The following TRIM40 variants were observed in gnomAD, a reference collection of about 807,000 sequenced individuals.
TRIM40 encodes the protein tripartite motif containing 40, also known as E3 ubiquitin ligase TRIM40.
In TRIM40, 27 loss-of-function variants were observed where a neutral mutation model predicts 26.1. The observed-to-expected ratio is 1.04, with a 90% CI of 0.76 to 1.43. The LOEUF (loss-of-function observed/expected upper bound fraction) is 1.43, where lower values mean the gene tolerates loss of function less well. Among genes scored for constraint, TRIM40 ranks in the 40% most tolerant of loss-of-function variants. The probability of loss-of-function intolerance (pLI) is 0.00; values close to 1 mark genes in which losing one functional copy is unlikely to be tolerated. For missense variants in TRIM40, 289 were observed against 307.9 expected, an observed-to-expected ratio of 0.94 and a Z score of 0.46; for synonymous variants, 114 against 120.0, an observed-to-expected ratio of 0.95 and a Z score of 0.33.
chr6:30,137,289 A>G lies in TRIM40; in HGVS notation c.253A>G (p.Ser85Gly). ...GAGGGTGTGCAGGTTCTGTGAGGAG[A>G]GCAGACTTCTTCTATGTGTGGAATG... ...QKRVCRFCEESRLLLCVECLV... is the reference protein window; with the variant it reads ...QKRVCRFCEEGRLLLCVECLV... Residue 85 changes from serine (S) to glycine (G), a missense_variant, in exon 2 of 6, where the codon AGC becomes GGC. Transcript: ENST00000396581. 1.2e-6 allele frequency: 2 copies of G among 1,612,936 alleles called. No individual in the cohort carries two copies. Among genetic ancestry groups the G allele is most frequent in the Non-Finnish European group, 8.5e-7 (1 of 1,179,996 alleles).
intron 2 of TRIM40, among the ~76,000 whole-genome samples, chr6:30,143,900 T>C (rs556459507): frequency 6.6e-6 from 1 of 152,356 alleles, no homozygotes; most frequent in East Asian, 1.9e-4. Context: ...TTTTTTCATT[T>C]ACACAGTGTC....
chr6:30,141,057 G>A (rs1036580330), intron 2 of TRIM40, among the ~76,000 whole-genome samples: 2 of 152,168 alleles, frequency 1.3e-5, no homozygotes, highest in African/African-American at 4.8e-5. Context: ...CAAAGTGGGA[G>A]GATCGCTTGA....
intron 2 of TRIM40, among the ~76,000 whole-genome samples, chr6:30,139,496 C>A (rs914977281): frequency 6.6e-6 from 1 of 152,006 alleles, no homozygotes; most frequent in African/African-American, 2.4e-5. Context: ...GCACCCACCA[C>A]CAGGCCTAGC....
chr6:30,145,617 A>G (rs1173053926), intron 2 of TRIM40, among the ~76,000 whole-genome samples: 2 of 152,200 alleles, frequency 1.3e-5, no homozygotes, highest in African/African-American at 4.8e-5. Flanking sequence ...TTCCTCTTTA[A>G]GGCAATTCCC....
At chr6:30,140,798 G>A (rs1771301842) in intron 2 of TRIM40, among the ~76,000 whole-genome samples, 2 of 152,160 alleles carry the variant, frequency 1.3e-5, no homozygotes, top group Admixed American at 1.3e-4. Flanking sequence ...CTGAATAGAT[G>A]ATGTGAAAGA....
In TRIM40 at chr6:30,136,162, A is replaced by G. The variant is rs1322038713; in HGVS notation, c.-332A>G. 2 of 152,292 alleles carry G rather than the reference A, an allele frequency of 1.3e-5. No homozygotes were observed. Among genetic ancestry groups the G allele is most frequent in the Non-Finnish European group, 2.9e-5 (2 of 68,106 alleles). 9.4% of individuals were successfully genotyped at this position (152,292 alleles called of 1,614,324 possible). On this transcript the variant is annotated 5_prime_UTR_variant, in exon 1 of 6. Coordinates refer to ENST00000396581, the MANE Select transcript of TRIM40 (RefSeq NM_001286633.2). Reference sequence around the variant, plus strand: ...TCCAGGTCTGGAGCCAGAGAAGATGATCTGAAATTGTAGCAGGAGAAATTG... The same window carrying G: ...TCCAGGTCTGGAGCCAGAGAAGATGGTCTGAAATTGTAGCAGGAGAAATTG...
At position 30,136,960 on chromosome 6, in the gene TRIM40, G is replaced by C; in HGVS notation, c.-77G>C. ...CTGGGCCTTCTTATCTGGGACTGTTGAGGGCAACAGGCCTTCCGAAGACCA... is the reference window on the plus strand; with the variant it reads ...CTGGGCCTTCTTATCTGGGACTGTTCAGGGCAACAGGCCTTCCGAAGACCA... On this transcript the variant is annotated 5_prime_UTR_variant, in exon 2 of 6. Transcript: ENST00000396581. 4 of 1,464,350 alleles carry C rather than the reference G, an allele frequency of 2.7e-6. No individual in the cohort carries two copies. Among genetic ancestry groups the C allele is most frequent in the Non-Finnish European group, 3.7e-6 (4 of 1,075,660 alleles). The allele number at this position is 1,464,350 out of a possible 1,614,324, so 90.7% of individuals were successfully genotyped here.
At position 30,143,253 on chromosome 6, in the gene TRIM40, G is replaced by T. The variant is rs539268053; in HGVS notation, c.346-2741G>T. ...TGTATTTTACAACACTATTTTTTTTGACAATTTTTACTTGTAGATTCAAAT... is the reference window on the plus strand; with the variant it reads ...TGTATTTTACAACACTATTTTTTTTTACAATTTTTACTTGTAGATTCAAAT... On this transcript the variant is annotated intron_variant, in intron 2 of 5. Coordinates refer to ENST00000396581, the MANE Select transcript of TRIM40 (RefSeq NM_001286633.2). Among the ~76,000 whole-genome samples, 4 of 151,832 alleles carry T rather than the reference G, an allele frequency of 2.6e-5. No homozygotes were observed. In the South Asian group the frequency reaches 8.3e-4, roughly 32 times the overall value.
Position 30,137,369 on chromosome 6 carries a change from C to T in TRIM40, c.333C>T (p.Leu111=). Residue 111 remains leucine (L), a synonymous_variant, in exon 2 of 6, where the codon CTC becomes CTT. Coordinates refer to ENST00000396581, the MANE Select transcript of TRIM40 (RefSeq NM_001286633.2). ...SHHELTIENA[L]SHYKERLNRR... ...ATGAACTGACCATTGAAAATGCCCT[C>T]AGCCACTACAAGGTAAGCCTGGGTC... The T allele has an allele frequency of 1.2e-6, 2 of 1,612,220 alleles. No homozygotes were observed. The highest frequency in any genetic ancestry group is 2.2e-5 in the South Asian group (2 of 91,012).
chr6:30,136,816 C>T lies in TRIM40; in HGVS notation c.-221C>T, dbSNP rs568261195. On this transcript the variant is annotated 5_prime_UTR_variant, in exon 2 of 6. Coordinates refer to ENST00000396581, the MANE Select transcript of TRIM40 (RefSeq NM_001286633.2). ...AAGCTGATGAGCTATTTCTGAAACTCGTGCAGAATTGTGGTTTGTGTGGTC... is the reference window on the plus strand; with the variant it reads ...AAGCTGATGAGCTATTTCTGAAACTTGTGCAGAATTGTGGTTTGTGTGGTC... 363 of 561,940 alleles carry T rather than the reference C, an allele frequency of 6.5e-4. 1 individual carries two copies. The highest frequency in any genetic ancestry group is 5.2e-3 in the South Asian group (205 of 39,636). The allele number at this position is 561,940 out of a possible 1,614,324, so 34.8% of individuals were successfully genotyped here.
intron 2 of TRIM40, among the ~76,000 whole-genome samples, chr6:30,140,559 A>G (rs9261482): frequency 0.2 from 31,085 of 151,748 alleles, 3,502 homozygotes; most frequent in East Asian, 0.27. Context: ...ATCACACACC[A>G]GGGCCTGTGA....
rs368250608 is a variant in TRIM40, at chr6:30,137,398, G to A, written c.345+17G>A. The A allele has an allele frequency of 2.9e-5, 47 of 1,595,490 alleles. No individual in the cohort carries two copies. The highest frequency in any genetic ancestry group is 1.8e-4 in the Middle Eastern group (1 of 5,710). On this transcript the variant is annotated intron_variant, in intron 2 of 5. Transcript: ENST00000396581. ...CACTACAAGGTAAGCCTGGGTCACC[G>A]CAGCCAGGCCCTGCCTCCACCTCGC...
rs983318533 is a variant in TRIM40, at chr6:30,146,068, G to A, written c.420G>A (p.Glu140=). ...TTCAGCGGCTCAAGGCTCAGCAGGAGAAGAAACTGCAGGCTCTGCAGGTGG... is the reference window on the plus strand; with the variant it reads ...TTCAGCGGCTCAAGGCTCAGCAGGAAAAGAAACTGCAGGCTCTGCAGGTGG... The part of the protein sequence containing the change: ...AELQRLKAQQ[E]KKLQALQFQV... The change falls in exon 3 of 6, where the codon GAG becomes GAA. Residue 140 remains glutamate, a synonymous_variant. Transcript: ENST00000396581. 2.5e-6 allele frequency: 4 copies of A among 1,612,884 alleles called. No homozygotes were observed. The highest frequency in any genetic ancestry group is 1.3e-5 in the African/African-American group (1 of 74,918).
At chr6:30,141,305 G>T (rs1422960916) in intron 2 of TRIM40, among the ~76,000 whole-genome samples, 3 of 152,214 alleles carry the variant, frequency 2.0e-5, no homozygotes, top group Admixed American at 2.0e-4. Flanking sequence ...CTGCAGCCAG[G>T]AAGACAGAGC....
chr6:30,147,289 G>A (rs1562100729), intron 4 of TRIM40, 80 bp downstream of exon 4: 4 of 1,530,636 alleles, frequency 2.6e-6, no homozygotes, highest in African/African-American at 1.4e-5. Context: ...CTTCTGGGAG[G>A]TGTAAGAGGG....
chr6:30,144,725 G>C (rs1299091747), intron 2 of TRIM40, among the ~76,000 whole-genome samples: 1 of 152,172 alleles, frequency 6.6e-6, no homozygotes, highest in Non-Finnish European at 1.5e-5. Flanking sequence ...GCGGCTGGCT[G>C]AGGAATGACG....
rs994324189 is a variant in TRIM40 at position 30,147,839 on chromosome 6, T to A, written c.*27T>A. 4.4e-6 allele frequency: 7 copies of A among 1,602,074 alleles called. No homozygotes were observed. The highest frequency in any genetic ancestry group is 6.0e-6 in the Non-Finnish European group (7 of 1,169,172). Reference sequence around the variant, plus strand: ...CTGTTCATCCCTGGGACACCTCACTTCAGGCTCACCTCAGCCTCCTCTCTC... The same window carrying A: ...CTGTTCATCCCTGGGACACCTCACTACAGGCTCACCTCAGCCTCCTCTCTC... On this transcript the variant is annotated 3_prime_UTR_variant, in exon 6 of 6. Coordinates refer to ENST00000396581, the MANE Select transcript of TRIM40 (RefSeq NM_001286633.2).
rs751738873 is a variant in TRIM40 at position 30,147,832 on chromosome 6, C to T, written c.*20C>T. 2.5e-6 allele frequency: 4 copies of T among 1,609,302 alleles called. No individual in the cohort carries two copies. Among genetic ancestry groups the T allele is most frequent in the Non-Finnish European group, 3.4e-6 (4 of 1,175,576 alleles). On this transcript the variant is annotated 3_prime_UTR_variant, in exon 6 of 6. Transcript: ENST00000396581. ...CTCTGACCTGTTCATCCCTGGGACACCTCACTTCAGGCTCACCTCAGCCTC... is the reference window on the plus strand; with the variant it reads ...CTCTGACCTGTTCATCCCTGGGACATCTCACTTCAGGCTCACCTCAGCCTC...
chr6:30,138,672 C>T (rs144004110), intron 2 of TRIM40, among the ~76,000 whole-genome samples: 2,065 of 152,232 alleles, frequency 0.014, 29 homozygotes, highest in Middle Eastern at 0.041. Flanking sequence ...CTTTATTTTG[C>T]CAATTAGCTT....
Sources: gnomAD v4.1 joint callset for allele counts (sites outside exome capture counted in the v4.1 genomes callset) on GRCh38, gnomAD v4.1.1 for gene constraint, MANE v1.5 for transcripts, NCBI Gene and HGNC (gene_info 2026-07-23, HGNC 2026-07-21) for gene names.